Variants in TET1 observed in about 807,000 individuals in gnomAD.
TET1 encodes methylcytosine dioxygenase TET1.
A neutral mutation model predicts 148.7 loss-of-function variants in TET1; 13 were observed. The ratio of observed to expected loss-of-function variants is 0.09; its 90% confidence interval spans 0.06 to 0.14. The LOEUF is 0.14. Ranked by LOEUF, TET1 falls within the 10% of genes least tolerant of loss-of-function variation. The pLI, the probability that TET1 is intolerant of heterozygous loss-of-function variation, is 1.00. For missense variants in TET1, 2,182 were observed against 2,553.8 expected (o/e 0.85, Z 3.14); for synonymous variants, 907 against 937.2 (o/e 0.97, Z 0.59).
At chr10:68,641,189 C>G (rs1404572796) in intron 3 of TET1, among the ~76,000 whole-genome samples, 2 of 151,982 alleles carry the variant, frequency 1.3e-5, no homozygotes, top group South Asian at 2.1e-4. Context: ...TCTGTTTAAT[C>G]TTAGACATTT....
intron 6 of TET1, among the ~76,000 whole-genome samples, chr10:68,664,031 C>T (rs1180763647): frequency 6.6e-6 from 1 of 151,934 alleles, no homozygotes; most frequent in East Asian, 1.9e-4. Context: ...TGGAGTCTTG[C>T]TCCCATCGCG....
intron 3 of TET1, among the ~76,000 whole-genome samples, chr10:68,610,072 A>G (rs1277184077): frequency 2.6e-5 from 4 of 152,130 alleles, no homozygotes; most frequent in Non-Finnish European, 2.9e-5. Flanking sequence ...TCACGAGGTC[A>G]GGAGATCAAG....
intron 8 of TET1, among the ~76,000 whole-genome samples, chr10:68,680,778 AAG>A (rs1424350571): frequency 6.6e-6 from 1 of 152,218 alleles, no homozygotes; most frequent in Non-Finnish European, 1.5e-5. Context: ...TGGTGTAGAA[AAG>A]AGAACTATAG....
At chr10:68,650,913 A>G (rs1272350650) in intron 4 of TET1, among the ~76,000 whole-genome samples, 1 of 152,196 alleles carries the variant, frequency 6.6e-6, no homozygotes, top group Admixed American at 6.5e-5. Context: ...ACAAAAGAAC[A>G]TTATTGATTT....
intron 3 of TET1, among the ~76,000 whole-genome samples, chr10:68,611,849 G>T (rs1288790116): frequency 7.0e-6 from 1 of 142,116 alleles, no homozygotes; most frequent in East Asian, 2.1e-4. Context: ...GGTGGGGGGG[G>T]TGGGGAGAGA....
intron 7 of TET1, among the ~76,000 whole-genome samples, chr10:68,671,863 C>T (rs1337323381): frequency 1.3e-5 from 2 of 152,090 alleles, no homozygotes; most frequent in Admixed American, 6.5e-5. Flanking sequence ...TCACTGCAAC[C>T]TCCGCCTCCT....
intron 3 of TET1, among the ~76,000 whole-genome samples, chr10:68,619,421 A>AG (rs2054338930): frequency 6.6e-6 from 1 of 152,056 alleles, no homozygotes; most frequent in Non-Finnish European, 1.5e-5. Context: ...GTAGAGACAG[A>AG]GGGGTCTCAC....
At chr10:68,629,157 G>C (rs1340867968) in intron 3 of TET1, among the ~76,000 whole-genome samples, 2 of 152,070 alleles carry the variant, frequency 1.3e-5, no homozygotes, top group Non-Finnish European at 2.9e-5. Context: ...CTGAGGTCAG[G>C]AGTTTGAGAT....
Position 68,575,952 on chromosome 10 carries a change from G to A in TET1, c.1914+1700G>A, listed in dbSNP as rs182273816. ...GGAGAATGGCGTGAACCCGGGAGGC[G>A]GAGCTTGCAGTGAGCCGAGATTGTG... On this transcript the variant is annotated intron_variant, in intron 2 of 11. Transcript: ENST00000373644. 2.9e-3 allele frequency among the ~76,000 whole-genome samples: 433 copies of A among 150,974 alleles called. 8 individuals carry two copies. Among genetic ancestry groups the A allele is most frequent in the Admixed American group, 0.026 (391 of 15,160 alleles).
intron 2 of TET1, among the ~76,000 whole-genome samples, chr10:68,584,338 G>C (rs768185177): frequency 6.6e-6 from 1 of 151,458 alleles, no homozygotes. Flanking sequence ...CACTGCGCCC[G>C]GCCATGAGTG....
At chr10:68,622,166 C>T (rs2054380999) in intron 3 of TET1, among the ~76,000 whole-genome samples, 1 of 25,352 alleles carries the variant, frequency 3.9e-5, no homozygotes, top group South Asian at 1.3e-3. Flanking sequence ...TACCTATGCC[C>T]TTCCTTCCTT....
At chr10:68,688,476 C>T (rs565601401) in intron 11 of TET1, among the ~76,000 whole-genome samples, 534 of 140,540 alleles carry the variant, frequency 3.8e-3, no homozygotes, top group Non-Finnish European at 6.8e-3. Context: ...GCTCTGTCTC[C>T]CAGGCTGGAG....
chr10:68,648,757 T>C (rs1241782617), intron 4 of TET1, among the ~76,000 whole-genome samples: 1 of 152,260 alleles, frequency 6.6e-6, no homozygotes, highest in Non-Finnish European at 1.5e-5. Context: ...CTGCTCATTG[T>C]TCAATACACA....
In TET1 at chr10:68,615,109, AT is replaced by A. The variant is rs2054269912; in HGVS notation, c.1968+14080del. Among the ~76,000 whole-genome samples the A allele has an allele frequency of 9.9e-5, 15 of 151,344 alleles. No individual in the cohort carries two copies. The South Asian group carries it at 3.1e-3, about 32-fold the overall frequency. On this transcript the variant is annotated intron_variant, in intron 3 of 11. Transcript: ENST00000373644. ...GCCACCACACCCGGCTAATTTTTGT[AT>A]TTTTAGTAGAGATGGTTTCACCATG... is the stretch of plus-strand genomic sequence containing the variant.
intron 10 of TET1, among the ~76,000 whole-genome samples, chr10:68,685,135 C>T (rs2055492018): frequency 6.6e-6 from 1 of 152,146 alleles, no homozygotes; most frequent in Non-Finnish European, 1.5e-5. Flanking sequence ...CACAACTGTA[C>T]TCCCAGCTAC....
intron 3 of TET1, among the ~76,000 whole-genome samples, chr10:68,612,647 C>G (rs1179294444): frequency 6.6e-6 from 1 of 152,072 alleles, no homozygotes; most frequent in Non-Finnish European, 1.5e-5. Flanking sequence ...GAGATAGAGT[C>G]TCACTTTGTC....
chr10:68,617,860 T>C (rs1299143867), intron 3 of TET1, among the ~76,000 whole-genome samples: 1 of 152,192 alleles, frequency 6.6e-6, no homozygotes, highest in East Asian at 1.9e-4. Context: ...GACTCTATTT[T>C]TAACCCAAAC....
chr10:68,676,266 ATATTTTTTTT>A (rs1473799422), intron 8 of TET1, among the ~76,000 whole-genome samples: 32 of 15,990 alleles, frequency 2.0e-3, no homozygotes, highest in African/African-American at 6.8e-3. Flanking sequence ...ATATATATAT[ATATTTTTTTT>A]TTTTTTTTTT....
intron 6 of TET1, among the ~76,000 whole-genome samples, chr10:68,658,092 T>A (rs1373585273): frequency 6.7e-6 from 1 of 149,706 alleles, no homozygotes; most frequent in Non-Finnish European, 1.5e-5. Context: ...TATAAAACAT[T>A]AATCTATATC....
Sources: gnomAD v4.1 joint callset for allele counts (sites outside exome capture counted in the v4.1 genomes callset) on GRCh38, gnomAD v4.1.1 for gene constraint, MANE v1.5 for transcripts, NCBI Gene and HGNC (gene_info 2026-07-23, HGNC 2026-07-21) for gene names.